Variants in ELMO1 observed in about 807,000 individuals in gnomAD.
The protein encoded by ELMO1 is engulfment and cell motility 1.
In ELMO1, 26 loss-of-function variants were observed where a neutral mutation model predicts 98.9. That is an observed-to-expected ratio of 0.26 (90% CI 0.19 to 0.36). The LOEUF (loss-of-function observed/expected upper bound fraction) is 0.36, where lower values mean the gene tolerates loss of function less well. Among genes scored for constraint, ELMO1 ranks in the 10% least tolerant of loss-of-function variants. The pLI is 1.00. For synonymous variants in ELMO1, 346 were observed against 346.0 expected (o/e 1.00, Z 0.00); for missense variants, 627 against 935.2 (o/e 0.67, Z 4.30).
At chr7:37,068,123 C>T (rs1562979375) in intron 15 of ELMO1, among the ~76,000 whole-genome samples, 1 of 152,110 alleles carries the variant, frequency 6.6e-6, no homozygotes, top group Non-Finnish European at 1.5e-5. Context: ...TCACGTGTTC[C>T]ACTTTGACAC....
At chr7:37,409,162 A>G (rs187929764) in intron 1 of ELMO1, among the ~76,000 whole-genome samples, 159 of 151,452 alleles carry the variant, frequency 1.0e-3, no homozygotes, top group African/African-American at 3.8e-3. Context: ...CAAAATTCCT[A>G]AAACCTACTG....
chr7:37,353,877 G>A (rs1801386299), intron 1 of ELMO1, among the ~76,000 whole-genome samples: 1 of 152,176 alleles, frequency 6.6e-6, no homozygotes, highest in Non-Finnish European at 1.5e-5. Flanking sequence ...ACCCAACCCA[G>A]AAGCCCAGTC....
chr7:36,892,564 T>C (rs1584322962), intron 17 of ELMO1, among the ~76,000 whole-genome samples: 2 of 152,076 alleles, frequency 1.3e-5, no homozygotes, highest in African/African-American at 4.8e-5. Context: ...AATGAAAAAA[T>C]GAATGAAAAC....
chr7:37,392,043 A>G (rs1044992118), intron 1 of ELMO1, among the ~76,000 whole-genome samples: 1 of 152,236 alleles, frequency 6.6e-6, no homozygotes, highest in Non-Finnish European at 1.5e-5. Flanking sequence ...ACTGTTCTCA[A>G]ATGAGAAATA....
intron 1 of ELMO1, among the ~76,000 whole-genome samples, chr7:37,437,458 T>A (rs542298041): frequency 2.6e-5 from 4 of 152,254 alleles, no homozygotes; most frequent in Non-Finnish European, 5.9e-5. Flanking sequence ...CTCATCCCCG[T>A]CTGTATTTTA....
chr7:37,205,738 C>G (rs1792577596), intron 13 of ELMO1, among the ~76,000 whole-genome samples: 2 of 152,078 alleles, frequency 1.3e-5, no homozygotes, highest in Admixed American at 1.3e-4. Context: ...TTGGGCAACT[C>G]AGATTTTTTG....
At chr7:37,294,271 C>A (rs1291459982) in intron 4 of ELMO1, among the ~76,000 whole-genome samples, 1 of 151,864 alleles carries the variant, frequency 6.6e-6, no homozygotes, top group Non-Finnish European at 1.5e-5. Flanking sequence ...ACAGGAGAAT[C>A]CCTTGAACCC....
intron 15 of ELMO1, among the ~76,000 whole-genome samples, chr7:37,093,276 T>C (rs1485145988): frequency 6.6e-6 from 1 of 152,158 alleles, no homozygotes; most frequent in African/African-American, 2.4e-5. Context: ...CAAAATATAA[T>C]TGGTATTTCA....
intron 2 of ELMO1, among the ~76,000 whole-genome samples, chr7:37,338,686 G>T (rs1800553755): frequency 6.6e-6 from 1 of 152,120 alleles, no homozygotes; most frequent in African/African-American, 2.4e-5. Flanking sequence ...GGACATAATA[G>T]GTTAACAAGA....
At chr7:37,373,711 G>A (rs76534015) in intron 1 of ELMO1, among the ~76,000 whole-genome samples, 9,266 of 151,906 alleles carry the variant, frequency 0.061, 378 homozygotes, top group Non-Finnish European at 0.088. Flanking sequence ...TATCATAAAC[G>A]CTTAATGGCT....
At chr7:37,208,827 G>A (rs1274055349) in intron 13 of ELMO1, among the ~76,000 whole-genome samples, 1 of 152,104 alleles carries the variant, frequency 6.6e-6, no homozygotes, top group Non-Finnish European at 1.5e-5. Flanking sequence ...TGCAAGACTG[G>A]CCTGGGAGAA....
intron 13 of ELMO1, among the ~76,000 whole-genome samples, chr7:37,160,844 G>A (rs2129328848): frequency 6.6e-6 from 1 of 152,254 alleles, no homozygotes; most frequent in South Asian, 2.1e-4. Context: ...CTGGCTACTT[G>A]CAACAGGTGG....
intron 13 of ELMO1, among the ~76,000 whole-genome samples, chr7:37,181,876 C>T (rs1790882464): frequency 6.6e-6 from 1 of 152,140 alleles, no homozygotes; most frequent in Non-Finnish European, 1.5e-5. Flanking sequence ...TACTGCATCC[C>T]TAGCAAAGGA....
In ELMO1 at chr7:36,855,463, G is replaced by A. The variant is rs115635114; in HGVS notation, c.*88C>T. 268 of 1,529,136 alleles carry A rather than the reference G, an allele frequency of 1.8e-4. No individual in the cohort carries two copies. The African/African-American group carries it at 3.1e-3, about 18-fold the overall frequency. 94.7% of individuals were successfully genotyped at this position (1,529,136 alleles called of 1,614,324 possible). ...CCACAGCTTCCCTTTACCAAAGGACGGTTCCAAGGCGTGGGTGTGTTTTCA... is the reference window on the plus strand; with the variant it reads ...CCACAGCTTCCCTTTACCAAAGGACAGTTCCAAGGCGTGGGTGTGTTTTCA... On this transcript the variant is annotated 3_prime_UTR_variant, in exon 22 of 22. Transcript: ENST00000310758. The surrounding 1 kb of genome is among the most constrained non-coding windows in gnomAD (Gnocchi z 4.2).
At chr7:37,333,188 A>C (rs1019370582) in intron 2 of ELMO1, among the ~76,000 whole-genome samples, 2 of 152,188 alleles carry the variant, frequency 1.3e-5, no homozygotes, top group African/African-American at 2.4e-5. Context: ...ATATACTCCT[A>C]AAGTACAAGC....
chr7:37,198,737 G>A lies in ELMO1; in HGVS notation c.1086+12649C>T, dbSNP rs575645744. On this transcript the variant is annotated intron_variant, in intron 13 of 21. Transcript: ENST00000310758. ...GGATGGTGCCCTTTTGCTCCAAAGC[G>A]CCATGTGCAAAGAAAGGATGCCAAG... 7.9e-5 allele frequency among the ~76,000 whole-genome samples: 12 copies of A among 152,316 alleles called. No homozygotes were observed. In the South Asian group the frequency reaches 1.0e-3, roughly 13 times the overall value.
chr7:36,884,645 T>A (rs535900193), intron 18 of ELMO1, among the ~76,000 whole-genome samples: 1 of 152,330 alleles, frequency 6.6e-6, no homozygotes, highest in African/African-American at 2.4e-5. Flanking sequence ...TCTGTAAATG[T>A]CTGCATGTGA....
chr7:36,873,518 A>G (rs1375246563), intron 19 of ELMO1, among the ~76,000 whole-genome samples: 2 of 152,194 alleles, frequency 1.3e-5, no homozygotes, highest in African/African-American at 4.8e-5. Flanking sequence ...CTGGGTTGAG[A>G]CCATCTTAAT....
chr7:37,193,239 G>T (rs1238506211), intron 13 of ELMO1, among the ~76,000 whole-genome samples: 2 of 151,892 alleles, frequency 1.3e-5, no homozygotes, highest in Admixed American at 1.3e-4. Flanking sequence ...GGTGAGGGGG[G>T]AGGCTCAAAG....
Sources: gnomAD v4.1 joint callset for allele counts (sites outside exome capture counted in the v4.1 genomes callset) on GRCh38, gnomAD v4.1.1 for gene constraint, Gnocchi (gnomAD v3.1) non-coding constraint, MANE v1.5 for transcripts, NCBI Gene and HGNC (gene_info 2026-07-23, HGNC 2026-07-21) for gene names.